The following FSTL5 variants were observed in gnomAD, a reference collection of about 807,000 sequenced individuals.
FSTL5 encodes the protein follistatin-related protein 5.
In FSTL5, 62 loss-of-function variants were observed where a neutral mutation model predicts 89.1. That is an observed-to-expected ratio of 0.70 (90% CI 0.57 to 0.86). The LOEUF (loss-of-function observed/expected upper bound fraction) is 0.86. Among genes scored for constraint, FSTL5 ranks in the 40% least tolerant of loss-of-function variants. FSTL5 has a pLI of 0.00. For missense variants in FSTL5, 1,057 were observed against 1,001.6 expected (o/e 1.06, Z -0.75); for synonymous variants, 383 against 346.2 (o/e 1.11, Z -1.18).
intron 6 of FSTL5, among the ~76,000 whole-genome samples, chr4:161,740,101 C>A (rs1387604460): frequency 6.6e-6 from 1 of 151,930 alleles, no homozygotes; most frequent in Non-Finnish European, 1.5e-5. Flanking sequence ...CTCACTGCAA[C>A]CTCCGCCTCC....
intron 12 of FSTL5, among the ~76,000 whole-genome samples, chr4:161,489,178 G>A (rs1349546581): frequency 6.6e-6 from 1 of 152,080 alleles, no homozygotes; most frequent in Non-Finnish European, 1.5e-5. Context: ...CCAAATTCTA[G>A]ATGCTTCTTG....
At chr4:161,806,097 C>T (rs1398921430) in intron 4 of FSTL5, among the ~76,000 whole-genome samples, 1 of 151,892 alleles carries the variant, frequency 6.6e-6, no homozygotes, top group Non-Finnish European at 1.5e-5. Context: ...AACATATGCC[C>T]CATAGGTAAG....
intron 2 of FSTL5, among the ~76,000 whole-genome samples, chr4:162,053,554 T>TC (rs1396795407): frequency 6.6e-6 from 1 of 151,354 alleles, no homozygotes; most frequent in East Asian, 1.9e-4. Context: ...CAGACTATGC[T>TC]CCCCCAAATT....
intron 3 of FSTL5, among the ~76,000 whole-genome samples, chr4:162,025,903 A>G (rs1737262081): frequency 6.6e-6 from 1 of 152,010 alleles, no homozygotes; most frequent in South Asian, 2.1e-4. Flanking sequence ...ATAATTCTAA[A>G]AATATTTCAA....
intron 5 of FSTL5, among the ~76,000 whole-genome samples, chr4:161,764,409 C>A (rs979905838): frequency 6.6e-6 from 1 of 152,030 alleles, no homozygotes; most frequent in East Asian, 1.9e-4. Flanking sequence ...CAGGCTCCCA[C>A]CACCACGCCC....
chr4:161,859,451 T>C (rs1262846849), intron 4 of FSTL5, among the ~76,000 whole-genome samples: 1 of 152,200 alleles, frequency 6.6e-6, no homozygotes, highest in Admixed American at 6.5e-5. Flanking sequence ...CTTCATTTGG[T>C]TACTAAAAGC....
chr4:161,494,595 A>G (rs541890289), intron 12 of FSTL5, among the ~76,000 whole-genome samples: 1 of 152,198 alleles, frequency 6.6e-6, no homozygotes. Context: ...TTCCTAAGCA[A>G]GAATTCTTTT....
chr4:162,048,369 C>T (rs1224489454), intron 2 of FSTL5, among the ~76,000 whole-genome samples: 1 of 151,772 alleles, frequency 6.6e-6, no homozygotes, highest in Non-Finnish European at 1.5e-5. Context: ...AACACCTATT[C>T]CCTTGAAAAA....
chr4:161,776,327 G>T (rs1478557531), intron 4 of FSTL5, among the ~76,000 whole-genome samples: 6 of 151,958 alleles, frequency 3.9e-5, no homozygotes, highest in Non-Finnish European at 8.8e-5. Flanking sequence ...CATAGATGCT[G>T]TAACGGACAT....
chr4:161,503,763 A>G (rs1578882894), intron 11 of FSTL5, among the ~76,000 whole-genome samples: 1 of 152,018 alleles, frequency 6.6e-6, no homozygotes, highest in South Asian at 2.1e-4. Context: ...CAGGGCCTAA[A>G]AAAGAGCTTG....
chr4:161,708,972 C>T (rs138643743), intron 6 of FSTL5, among the ~76,000 whole-genome samples: 1 of 152,106 alleles, frequency 6.6e-6, no homozygotes, highest in Non-Finnish European at 1.5e-5. Flanking sequence ...TATATCATAA[C>T]TGTTGTAATA....
intron 8 of FSTL5, among the ~76,000 whole-genome samples, chr4:161,543,237 T>C (rs1731892992): frequency 1.3e-5 from 2 of 152,120 alleles, no homozygotes; most frequent in South Asian, 2.1e-4. Flanking sequence ...TGCAAAACTT[T>C]CATACTAAAT....
chr4:162,076,787 A>G (rs1729865290), intron 2 of FSTL5, among the ~76,000 whole-genome samples: 1 of 151,892 alleles, frequency 6.6e-6, no homozygotes, highest in Non-Finnish European at 1.5e-5. Context: ...TAACGGCCCT[A>G]AAATTATGTC....
intron 6 of FSTL5, among the ~76,000 whole-genome samples, chr4:161,682,251 C>T (rs1278314555): frequency 6.6e-6 from 1 of 152,106 alleles, no homozygotes; most frequent in African/African-American, 2.4e-5. Context: ...CTAGGACATT[C>T]CTGTATGCTA....
intron 8 of FSTL5, among the ~76,000 whole-genome samples, chr4:161,578,801 A>G (rs1733328025): frequency 6.6e-6 from 1 of 152,116 alleles, no homozygotes. Context: ...AGAGCAACCC[A>G]GAAGACAATA....
At chr4:161,577,104 T>C (rs1418571845) in intron 8 of FSTL5, among the ~76,000 whole-genome samples, 2 of 152,210 alleles carry the variant, frequency 1.3e-5, no homozygotes, top group Non-Finnish European at 2.9e-5. Context: ...TCTCCTTTCT[T>C]GTTCTAGTGA....
chr4:161,493,064 A>T lies in FSTL5; in HGVS notation c.1458+6952T>A, dbSNP rs144505453. 2.1e-3 allele frequency among the ~76,000 whole-genome samples: 326 copies of T among 152,110 alleles called. 1 individual carries two copies. Among genetic ancestry groups the T allele is most frequent in the African/African-American group, 7.7e-3 (320 of 41,552 alleles). On this transcript the variant is annotated intron_variant, in intron 12 of 15. Transcript: ENST00000306100. Reference sequence around the variant, plus strand: ...TTCACTGTTAAATTGAAATTGTGAGAACTATTGTTGAAATATCAAAAGTAA... The same window carrying T: ...TTCACTGTTAAATTGAAATTGTGAGTACTATTGTTGAAATATCAAAAGTAA...
chr4:161,900,472 C>A (rs1294624004), intron 4 of FSTL5, among the ~76,000 whole-genome samples: 1 of 151,134 alleles, frequency 6.6e-6, no homozygotes, highest in African/African-American at 2.4e-5. Context: ...AACACTGCCT[C>A]TACTAAAAAC....
chr4:161,532,778 C>G (rs943326143), intron 10 of FSTL5, among the ~76,000 whole-genome samples: 1 of 152,128 alleles, frequency 6.6e-6, no homozygotes, highest in Non-Finnish European at 1.5e-5. Context: ...CGAATCACCA[C>G]AGAATATACA....
Sources: allele counts gnomAD v4.1 joint callset (sites outside exome capture counted in the v4.1 genomes callset), GRCh38; gene constraint gnomAD v4.1.1; transcripts MANE v1.5; gene names NCBI Gene and HGNC (gene_info 2026-07-23, HGNC 2026-07-21).